Variants in KPNA3 observed in about 807,000 individuals in gnomAD.
The protein encoded by KPNA3 is karyopherin subunit alpha 3.
A neutral mutation model predicts 73.8 loss-of-function variants in KPNA3; 13 were observed. The observed-to-expected ratio is 0.18, with a 90% CI of 0.11 to 0.28. The LOEUF is 0.28. Ranked by LOEUF, KPNA3 falls within the 10% of genes least tolerant of loss-of-function variation. The pLI is 1.00. For synonymous variants in KPNA3, 186 were observed against 206.9 expected, an observed-to-expected ratio of 0.90 and a Z score of 0.87; for missense variants, 360 against 618.1, an observed-to-expected ratio of 0.58 and a Z score of 4.43.
At chr13:49,770,769 A>C (rs1338216386) in intron 1 of KPNA3, among the ~76,000 whole-genome samples, 1 of 150,700 alleles carries the variant, frequency 6.6e-6, no homozygotes, top group Non-Finnish European at 1.5e-5. Flanking sequence ...AAAAAAAAAA[A>C]CTATTCCTTC....
chr13:49,706,394 G>A, intron 12 of KPNA3, 22 bp from the exon 13 acceptor site: 2 of 1,530,062 alleles, frequency 1.3e-6, no homozygotes, highest in African/African-American at 1.4e-5. Context: ...CAAAATATAG[G>A]GCACCTTTAT....
chr13:49,757,261 TA>T (rs61387986), intron 1 of KPNA3, among the ~76,000 whole-genome samples: 76,058 of 147,686 alleles, frequency 0.51, 19,364 homozygotes, highest in East Asian at 0.76. Flanking sequence ...AGCTAGAGAC[TA>T]AAAAAAAAAA....
intron 1 of KPNA3, among the ~76,000 whole-genome samples, chr13:49,781,549 T>C (rs1954940770): frequency 6.6e-6 from 1 of 152,248 alleles, no homozygotes; most frequent in African/African-American, 2.4e-5. Context: ...TTCATTGTTT[T>C]ATCCCTCACA....
At chr13:49,769,457 C>G (rs1954835862) in intron 1 of KPNA3, among the ~76,000 whole-genome samples, 1 of 152,198 alleles carries the variant, frequency 6.6e-6, no homozygotes, top group South Asian at 2.1e-4. Flanking sequence ...CTTCCCACAA[C>G]CCCTGGCAAT....
chr13:49,774,073 ATT>A (rs11315833), intron 1 of KPNA3, among the ~76,000 whole-genome samples: 3 of 146,154 alleles, frequency 2.1e-5, no homozygotes, highest in African/African-American at 7.5e-5. Context: ...ACCCAGGCTA[ATT>A]TTTTTTTTTT....
chr13:49,734,912 T>C (rs1439330241), intron 2 of KPNA3, among the ~76,000 whole-genome samples: 2 of 139,220 alleles, frequency 1.4e-5, no homozygotes, highest in African/African-American at 2.6e-5. Context: ...TATATATATA[T>C]ATACACACAC....
At chr13:49,718,677 A>G in intron 10 of KPNA3, among the ~76,000 whole-genome samples, 1 of 152,170 alleles carries the variant, frequency 6.6e-6, no homozygotes, top group Non-Finnish European at 1.5e-5. Flanking sequence ...GTCACTTTAT[A>G]TCCATTTTGG....
chr13:49,765,628 G>A (rs185923918), intron 1 of KPNA3, among the ~76,000 whole-genome samples: 175 of 152,170 alleles, frequency 1.2e-3, no homozygotes, highest in African/African-American at 4.1e-3. Flanking sequence ...GAGCCACCGC[G>A]CCTGGCCTAT....
chr13:49,734,954 T>G (rs9591295), intron 2 of KPNA3, among the ~76,000 whole-genome samples: 7,900 of 145,814 alleles, frequency 0.054, 624 homozygotes, highest in African/African-American at 0.18. Context: ...GAGAGATAGA[T>G]AGAGAGAGAG....
At chr13:49,729,823 C>A (rs1018677981) in intron 6 of KPNA3, among the ~76,000 whole-genome samples, 1 of 152,164 alleles carries the variant, frequency 6.6e-6, no homozygotes, top group Non-Finnish European at 1.5e-5. Flanking sequence ...GGACATTTAT[C>A]ATAAGTTTGA....
At chr13:49,734,922 CAT>C (rs200073617) in intron 2 of KPNA3, among the ~76,000 whole-genome samples, 6,357 of 125,864 alleles carry the variant, frequency 0.051, 448 homozygotes, top group African/African-American at 0.16. Flanking sequence ...TATACACACA[CAT>C]ATATATATAT....
At chr13:49,717,444 A>AAAAG (rs1286679126) in intron 10 of KPNA3, among the ~76,000 whole-genome samples, 1 of 150,920 alleles carries the variant, frequency 6.6e-6, no homozygotes, top group Admixed American at 6.6e-5. Flanking sequence ...AAAAAAGAAA[A>AAAAG]AAAAAAAAAA....
chr13:49,713,634 A>AACACACACAC lies in KPNA3; in HGVS notation c.772-2622_772-2613dup, dbSNP rs66994650. On this transcript the variant is annotated intron_variant, in intron 10 of 16. Transcript: ENST00000261667. The stretch of plus-strand genomic sequence containing the variant: ...CTTATATTAAACAGCTCTTAGGTGA[A>AACACACACAC]ACACACACACACACACACACACACA... 3.2e-3 allele frequency among the ~76,000 whole-genome samples: 446 copies of AACACACACAC among 140,910 alleles called. 3 individuals are homozygous for AACACACACAC. Among genetic ancestry groups the AACACACACAC allele is most frequent in the African/African-American group, 8.9e-3 (339 of 38,038 alleles). 92.4% of individuals were successfully genotyped at this position (140,910 alleles called of 152,430 possible). A position where few individuals can be genotyped will look rare whatever the true frequency, so the allele number is the denominator to read the frequency against.
rs529317681 is a variant in KPNA3, at chr13:49,774,364, A to G, written c.69+18074T>C. 2.6e-5 allele frequency among the ~76,000 whole-genome samples: 4 copies of G among 152,340 alleles called. No homozygotes were observed. In the South Asian group the frequency reaches 6.2e-4, roughly 24 times the overall value. ...CCGAATTCAACACCTGGCAGCAGTC[A>G]TAACTAGGGGTCTCCTATAACACCT... On this transcript the variant is annotated intron_variant, in intron 1 of 16. Transcript: ENST00000261667.
intron 1 of KPNA3, among the ~76,000 whole-genome samples, chr13:49,781,557 ACACT>A (rs1340415611): frequency 3.3e-5 from 5 of 152,192 alleles, no homozygotes; most frequent in African/African-American, 9.7e-5. Context: ...TTTATCCCTC[ACACT>A]CAGTAAAGAA....
At chr13:49,727,383 G>A (rs1954419381) in intron 6 of KPNA3, among the ~76,000 whole-genome samples, 1 of 151,406 alleles carries the variant, frequency 6.6e-6, no homozygotes, top group African/African-American at 2.4e-5. Flanking sequence ...AGGAGGCGGA[G>A]GTTGTGGTGA....
chr13:49,705,590 A>C lies in KPNA3; in HGVS notation c.1372+31T>G, dbSNP rs1360948895. The C allele has an allele frequency of 1.9e-6, 3 of 1,602,770 alleles. No homozygotes were observed. In the African/African-American group the frequency reaches 4.0e-5, roughly 21 times the overall value. On this transcript the variant is annotated intron_variant, in intron 15 of 16. Coordinates refer to ENST00000261667, the MANE Select transcript of KPNA3 (RefSeq NM_002267.4). The stretch of plus-strand genomic sequence containing the variant: ...CTTATGTTTCAGAGTTCCAGTGCTC[A>C]AATACTCTTCTTCCATCAATCCACT...
At position 49,700,903 on chromosome 13, in the gene KPNA3, TTTTG is replaced by T. The variant is rs1954141004; in HGVS notation, c.*893_*896del. On this transcript the variant is annotated 3_prime_UTR_variant, in exon 17 of 17. Transcript: ENST00000261667. ...GGTATTTTAGACTTTTGCAGTTTTT[TTTTG>T]TTTGCTTTTTGTTTTGCTGTTTTTC... 6.6e-6 allele frequency: 1 copy of T among 152,610 alleles called. No homozygotes were observed. The highest frequency in any genetic ancestry group is 1.5e-5 in the Non-Finnish European group (1 of 68,052). 9.5% of individuals were successfully genotyped at this position (152,610 alleles called of 1,614,324 possible).
intron 1 of KPNA3, among the ~76,000 whole-genome samples, chr13:49,750,942 C>T (rs971475963): frequency 4.0e-5 from 6 of 151,658 alleles, no homozygotes; most frequent in Admixed American, 2.6e-4. Flanking sequence ...CCATGAGCCA[C>T]GAGTGGGCCA....
Sources: allele counts gnomAD v4.1 joint callset (sites outside exome capture counted in the v4.1 genomes callset), GRCh38; gene constraint gnomAD v4.1.1; transcripts MANE v1.5; gene names NCBI Gene and HGNC (gene_info 2026-07-23, HGNC 2026-07-21).